UBXN2B: variants seen among roughly 807,000 people sequenced by gnomAD.
UBXN2B encodes UBX domain-containing protein 2B.
Under a neutral mutation model 37.5 loss-of-function variants are expected in UBXN2B, and 19 were observed. The ratio of observed to expected loss-of-function variants is 0.51; its 90% CI spans 0.35 to 0.74. The LOEUF is 0.74. UBXN2B is among the 30% of genes least tolerant of loss of function. The pLI is 0.01. For missense variants in UBXN2B, 370 were observed against 393.2 expected, an observed-to-expected ratio of 0.94 and a Z score of 0.50; for synonymous variants, 145 against 143.8, an observed-to-expected ratio of 1.01 and a Z score of -0.06.
chr8:58,427,213 C>T (rs1165735635), intron 2 of UBXN2B, among the ~76,000 whole-genome samples: 2 of 152,176 alleles, frequency 1.3e-5, no homozygotes, highest in South Asian at 4.1e-4. Context: ...TCACGCCTGT[C>T]ATCTTAGCAC....
intron 2 of UBXN2B, chr8:58,426,796 C>T (rs911686266): frequency 6.7e-6 from 4 of 597,984 alleles, no homozygotes; most frequent in Non-Finnish European, 9.4e-6. Flanking sequence ...AGATGCGGGG[C>T]GGAGCCAGCC....
chr8:58,448,613 C>A lies in UBXN2B; in HGVS notation c.*1062C>A, dbSNP rs1203295715. ...ATTTTTCTAGGAAACTCACTGTATA[C>A]ACTAAACACTATTCTGTGTGCTCAA... On this transcript the variant is annotated 3_prime_UTR_variant, in exon 8 of 8. Coordinates refer to ENST00000399598, the MANE Select transcript of UBXN2B (RefSeq NM_001077619.2). 1 of 152,506 alleles carries A rather than the reference C, an allele frequency of 6.6e-6. No homozygotes were observed. The highest frequency in any genetic ancestry group is 2.4e-5 in the African/African-American group (1 of 41,436). 9.4% of individuals were successfully genotyped at this position (152,506 alleles called of 1,614,324 possible).
chr8:58,421,567 C>G lies in UBXN2B; in HGVS notation c.188+4614C>G, dbSNP rs537226830. 6.6e-4 allele frequency among the ~76,000 whole-genome samples: 100 copies of G among 152,262 alleles called. 1 individual carries two copies. The highest frequency in any genetic ancestry group is 2.3e-3 in the African/African-American group (96 of 41,550). ...CATACCAACTTTCCAAATAACCTGA[C>G]TCACCCATTACTGACTGGGCTCTCT... On this transcript the variant is annotated intron_variant, in intron 2 of 7. Transcript: ENST00000399598.
At chr8:58,445,159 T>C (rs895282262) in intron 6 of UBXN2B, among the ~76,000 whole-genome samples, 4 of 152,196 alleles carry the variant, frequency 2.6e-5, no homozygotes, top group African/African-American at 7.2e-5. Flanking sequence ...TGACATTCAC[T>C]TTTGGCATAT....
chr8:58,427,059 G>A (rs1429980744), intron 2 of UBXN2B, among the ~76,000 whole-genome samples: 1 of 152,218 alleles, frequency 6.6e-6, no homozygotes, highest in Non-Finnish European at 1.5e-5. Context: ...TATTCATTTA[G>A]GAAAATAGGA....
At position 58,439,198 on chromosome 8, in the gene UBXN2B, C is replaced by T. The variant is rs147435677; in HGVS notation, c.534-435C>T. Among the ~76,000 whole-genome samples, 775 of 152,226 alleles carry T rather than the reference C, an allele frequency of 5.1e-3. 4 individuals are homozygous for T. Among genetic ancestry groups the T allele is most frequent in the African/African-American group, 0.017 (715 of 41,526 alleles). Reference sequence around the variant, plus strand: ...CTTTGCTTTATAAATTACCCAGCCTCGGATATTTCCTTATAGCAATGCAAA... The same window carrying T: ...CTTTGCTTTATAAATTACCCAGCCTTGGATATTTCCTTATAGCAATGCAAA... On this transcript the variant is annotated intron_variant, in intron 5 of 7. Transcript: ENST00000399598.
chr8:58,428,659 A>C (rs547867305), intron 2 of UBXN2B, among the ~76,000 whole-genome samples: 45 of 152,326 alleles, frequency 3.0e-4, no homozygotes, highest in African/African-American at 1.1e-3. Context: ...TTGAATGAGT[A>C]TAGAGAATTA....
At chr8:58,426,520 T>TCTTG (rs1207937453) in intron 2 of UBXN2B, 1 of 732,378 alleles carries the variant, frequency 1.4e-6, no homozygotes, top group South Asian at 1.3e-5. Context: ...GTGTTCTGAA[T>TCTTG]CTTGATGTGG....
chr8:58,419,750 A>G (rs1807879591), intron 2 of UBXN2B, among the ~76,000 whole-genome samples: 1 of 152,228 alleles, frequency 6.6e-6, no homozygotes, highest in Admixed American at 6.5e-5. Flanking sequence ...ACATAATCAA[A>G]ATGACCAGAG....
chr8:58,436,007 T>C (rs1356958474), intron 5 of UBXN2B, among the ~76,000 whole-genome samples: 1 of 152,198 alleles, frequency 6.6e-6, no homozygotes, highest in Non-Finnish European at 1.5e-5. Flanking sequence ...CTTAAATATA[T>C]TGAAGAAATA....
At position 58,451,407 on chromosome 8, in the gene UBXN2B, C is replaced by G. The variant is rs573003652; in HGVS notation, c.*3856C>G. The G allele has an allele frequency of 6.6e-6, 1 of 152,146 alleles. No homozygotes were observed. The highest frequency in any genetic ancestry group is 1.5e-5 in the Non-Finnish European group (1 of 68,012). 9.4% of individuals were successfully genotyped at this position (152,146 alleles called of 1,614,324 possible). A position where few individuals can be genotyped will look rare whatever the true frequency, so the allele number is the denominator to read the frequency against. On this transcript the variant is annotated 3_prime_UTR_variant, in exon 8 of 8. Coordinates refer to ENST00000399598, the MANE Select transcript of UBXN2B (RefSeq NM_001077619.2). ...CAAAAAAGATGTCACAATGAACAGA[C>G]AACCATCTGTGAGGTCAGTCATTTT...
chr8:58,424,640 G>A (rs1808026693), intron 2 of UBXN2B: 9 of 1,120,532 alleles, frequency 8.0e-6, no homozygotes, highest in Middle Eastern at 3.1e-4. Context: ...ATACACTCTA[G>A]CACTGTCTGC....
At chr8:58,421,696 C>T (rs987183416) in intron 2 of UBXN2B, among the ~76,000 whole-genome samples, 6 of 152,178 alleles carry the variant, frequency 3.9e-5, no homozygotes, top group African/African-American at 1.4e-4. Flanking sequence ...TCTCCATCAT[C>T]CCAGCCTCTC....
chr8:58,433,650 C>T (rs1444051035), intron 4 of UBXN2B, among the ~76,000 whole-genome samples: 2 of 145,638 alleles, frequency 1.4e-5, no homozygotes, highest in East Asian at 4.1e-4. Flanking sequence ...AAAAAATGAA[C>T]TTGGGCCAGG....
rs1368000479 is a variant in UBXN2B at position 58,411,370 on chromosome 8, C to T, written c.-16C>T. The T allele has an allele frequency of 4.7e-6, 6 of 1,269,734 alleles. No homozygotes were observed. Among genetic ancestry groups the T allele is most frequent in the South Asian group, 5.7e-5 (2 of 35,234 alleles). 78.7% of individuals were successfully genotyped at this position (1,269,734 alleles called of 1,614,324 possible). Reference sequence around the variant, plus strand: ...CGGCAGGTGCGTCCGCAGCGGGCGCCGCTAGCCAGCGGAAGATGGCGGAGG... The same window carrying T: ...CGGCAGGTGCGTCCGCAGCGGGCGCTGCTAGCCAGCGGAAGATGGCGGAGG... On this transcript the variant is annotated 5_prime_UTR_variant, in exon 1 of 8. Transcript: ENST00000399598.
chr8:58,440,069 A>T (rs2129604514), intron 6 of UBXN2B, among the ~76,000 whole-genome samples: 1 of 152,308 alleles, frequency 6.6e-6, no homozygotes, highest in East Asian at 1.9e-4. Flanking sequence ...TTTGATGTAG[A>T]TACTGTTATT....
intron 1 of UBXN2B, among the ~76,000 whole-genome samples, chr8:58,412,417 C>T (rs1001809792): frequency 2.6e-5 from 4 of 152,122 alleles, no homozygotes; most frequent in Admixed American, 2.6e-4. Flanking sequence ...CAGATTTCTT[C>T]GGAGAAATAG....
At chr8:58,411,748 G>T (rs562359185) in intron 1 of UBXN2B, among the ~76,000 whole-genome samples, 23 of 152,246 alleles carry the variant, frequency 1.5e-4, no homozygotes, top group Non-Finnish European at 2.8e-4. Flanking sequence ...TGCGGGGTCA[G>T]TTGGTCGGTT....
chr8:58,435,425 G>A lies in UBXN2B; in HGVS notation c.533+921G>A, dbSNP rs62512911. On this transcript the variant is annotated intron_variant, in intron 5 of 7. Transcript: ENST00000399598. ...CAACAAATGCCCTAAGAAGTATGCT[G>A]AAGGCATTGGGAAAGGTGGGAAGCT... 7.0e-3 allele frequency among the ~76,000 whole-genome samples: 1,072 copies of A among 152,284 alleles called. 13 individuals are homozygous for A. The highest frequency in any genetic ancestry group is 0.012 in the Non-Finnish European group (823 of 68,018).
Sources: allele counts gnomAD v4.1 joint callset (sites outside exome capture counted in the v4.1 genomes callset), GRCh38; gene constraint gnomAD v4.1.1; transcripts MANE v1.5; gene names NCBI Gene and HGNC (gene_info 2026-07-23, HGNC 2026-07-21).